The following DOCK4 variants were observed in gnomAD, a reference collection of about 807,000 sequenced individuals.
DOCK4 encodes the protein dedicator of cytokinesis 4, also known as dedicator of cytokinesis protein 4.
In DOCK4, 97 loss-of-function variants were observed where a neutral mutation model predicts 268.1. The observed-to-expected ratio is 0.36, with a 90% CI of 0.31 to 0.43. DOCK4 has a LOEUF of 0.43. DOCK4 is among the 20% of genes least tolerant of loss of function. DOCK4 has a pLI of 1.00. For missense variants in DOCK4, 2,145 were observed against 2,455.7 expected (o/e 0.87, Z 2.67); for synonymous variants, 954 against 887.2 (o/e 1.08, Z -1.34).
chr7:111,785,095 C>A (rs1240416184), intron 32 of DOCK4, among the ~76,000 whole-genome samples: 3 of 152,148 alleles, frequency 2.0e-5, no homozygotes, highest in Non-Finnish European at 4.4e-5. Flanking sequence ...GCCCAGCCTT[C>A]TGTCTTGTCT....
At chr7:112,026,320 T>A (rs1174041101) in intron 1 of DOCK4, among the ~76,000 whole-genome samples, 1 of 152,202 alleles carries the variant, frequency 6.6e-6, no homozygotes, top group Admixed American at 6.5e-5. Context: ...ATGTGAGGGA[T>A]CTAGGTTGCA....
chr7:112,059,107 AT>A (rs1281901064), intron 1 of DOCK4, among the ~76,000 whole-genome samples: 1 of 147,252 alleles, frequency 6.8e-6, no homozygotes, highest in East Asian at 2.0e-4. Flanking sequence ...ATAATTTCAC[AT>A]TCATAAAATT....
intron 1 of DOCK4, among the ~76,000 whole-genome samples, chr7:112,187,741 G>A (rs1454648305): frequency 2.6e-5 from 4 of 152,076 alleles, no homozygotes; most frequent in Non-Finnish European, 2.9e-5. Flanking sequence ...GCAACCAGTC[G>A]ATGGAATCTG....
chr7:111,921,577 T>A (rs1001881770), intron 12 of DOCK4, among the ~76,000 whole-genome samples: 7 of 152,206 alleles, frequency 4.6e-5, no homozygotes, highest in African/African-American at 1.4e-4. Flanking sequence ...ATATATTGGA[T>A]AAATACATGT....
chr7:112,193,855 C>T (rs762834509), intron 1 of DOCK4, among the ~76,000 whole-genome samples: 2 of 151,986 alleles, frequency 1.3e-5, no homozygotes, highest in Admixed American at 1.3e-4. Flanking sequence ...CAAGGTTTGG[C>T]AGGACTAGTT....
chr7:111,892,266 T>A (rs192148772), intron 16 of DOCK4, among the ~76,000 whole-genome samples: 55 of 152,196 alleles, frequency 3.6e-4, no homozygotes, highest in African/African-American at 1.3e-3. Context: ...AATGGCATGA[T>A]CTCGGCTCAC....
rs1319615984 is a variant in DOCK4, at chr7:111,850,588, G to A, written c.2474-3462C>T. On this transcript the variant is annotated intron_variant, in intron 23 of 52. Transcript: ENST00000428084. ...GCAACTGAAGAACCACAAAATAAGTGAAATTAGTCAGTTCCTGCCTTAACT... is the reference window on the plus strand; with the variant it reads ...GCAACTGAAGAACCACAAAATAAGTAAAATTAGTCAGTTCCTGCCTTAACT... Among the ~76,000 whole-genome samples, 7 of 152,214 alleles carry A rather than the reference G, an allele frequency of 4.6e-5. No homozygotes were observed. In the East Asian group the frequency reaches 1.4e-3, roughly 29 times the overall value.
intron 1 of DOCK4, among the ~76,000 whole-genome samples, chr7:112,128,026 C>T (rs570533046): frequency 3.9e-5 from 6 of 152,238 alleles, no homozygotes; most frequent in South Asian, 4.2e-4. Flanking sequence ...GAGACTCTGT[C>T]GGGGGTGAGG....
intron 1 of DOCK4, among the ~76,000 whole-genome samples, chr7:112,123,631 T>G (rs1812949135): frequency 6.6e-6 from 1 of 152,154 alleles, no homozygotes; most frequent in African/African-American, 2.4e-5. Context: ...TCTAAATGAG[T>G]CTATCCAATG....
At chr7:111,997,840 T>A (rs1426114146) in intron 4 of DOCK4, among the ~76,000 whole-genome samples, 2 of 152,224 alleles carry the variant, frequency 1.3e-5, no homozygotes, top group Admixed American at 1.3e-4. Flanking sequence ...TTCTGTTTTA[T>A]CCTGCTGTAC....
At chr7:112,200,738 A>AAAAAAAAAAAAAAAAAAAAG (rs527792738) in intron 1 of DOCK4, among the ~76,000 whole-genome samples, 1 of 97,230 alleles carries the variant, frequency 1.0e-5, no homozygotes, top group Non-Finnish European at 1.9e-5. Flanking sequence ...AAAAAAAAAA[A>AAAAAAAAAAAAAAAAAAAAG]CAAAAAAAAA....
At chr7:111,825,505 A>G (rs1206182257) in intron 26 of DOCK4, among the ~76,000 whole-genome samples, 2 of 152,168 alleles carry the variant, frequency 1.3e-5, no homozygotes, top group African/African-American at 4.8e-5. Flanking sequence ...TGCACATACA[A>G]CTAAGTAACA....
At chr7:111,735,820 C>G (rs1391139393) in intron 50 of DOCK4, among the ~76,000 whole-genome samples, 1 of 152,206 alleles carries the variant, frequency 6.6e-6, no homozygotes, top group Non-Finnish European at 1.5e-5. Context: ...ATGAGGTTTA[C>G]AACAGCAAAT....
At chr7:111,936,082 T>C (rs781560189) in intron 11 of DOCK4, among the ~76,000 whole-genome samples, 6 of 152,226 alleles carry the variant, frequency 3.9e-5, no homozygotes, top group African/African-American at 7.2e-5. Context: ...TTAGGGTAAT[T>C]CCTGGCATAT....
intron 14 of DOCK4, among the ~76,000 whole-genome samples, chr7:111,901,321 A>G (rs868433950): frequency 3.4e-4 from 48 of 140,236 alleles, no homozygotes; most frequent in Admixed American, 3.1e-3. Flanking sequence ...TGACAGAATA[A>G]GATTCTGTCT....
At chr7:112,120,090 G>A (rs245022) in intron 1 of DOCK4, among the ~76,000 whole-genome samples, 15 of 152,000 alleles carry the variant, frequency 9.9e-5, no homozygotes, top group South Asian at 2.1e-4. Context: ...CTAGTGATCC[G>A]CCCGCCTCGG....
intron 1 of DOCK4, among the ~76,000 whole-genome samples, chr7:112,061,781 A>G (rs1166545245): frequency 2.0e-5 from 3 of 149,568 alleles, no homozygotes; most frequent in Non-Finnish European, 3.0e-5. Context: ...ACACACACAC[A>G]CACGATGTAC....
chr7:111,912,051 A>G (rs930697006), intron 13 of DOCK4, among the ~76,000 whole-genome samples: 1 of 152,192 alleles, frequency 6.6e-6, no homozygotes. Context: ...ATCTGAGGAA[A>G]ACTTACAGGA....
chr7:111,915,737 A>G, intron 13 of DOCK4, 42 bp downstream of exon 13: 5 of 1,599,872 alleles, frequency 3.1e-6, no homozygotes, highest in Non-Finnish European at 4.3e-6. Flanking sequence ...AACAGATAGT[A>G]TACCCATATT....
Sources: gnomAD v4.1 joint callset for allele counts (sites outside exome capture counted in the v4.1 genomes callset) on GRCh38, gnomAD v4.1.1 for gene constraint, MANE v1.5 for transcripts, NCBI Gene and HGNC (gene_info 2026-07-23, HGNC 2026-07-21) for gene names.